The following SLC14A2 variants were observed in gnomAD, a reference collection of about 807,000 sequenced individuals.
SLC14A2 encodes urea transporter 2.
Under a neutral mutation model 104.6 loss-of-function variants are expected in SLC14A2, and 91 were observed. The ratio of observed to expected loss-of-function variants is 0.87; its 90% confidence interval spans 0.73 to 1.04. The LOEUF is 1.04. Ranked by LOEUF, SLC14A2 falls within the 50% of genes least tolerant of loss-of-function variation. The probability of loss-of-function intolerance (pLI) is 0.00; values close to 1 mark genes in which losing one functional copy is unlikely to be tolerated. For synonymous variants in SLC14A2, 476 were observed against 466.4 expected (o/e 1.02, Z -0.27); for missense variants, 1,189 against 1,156.0 (o/e 1.03, Z -0.41).
At chr18:45,471,316 T>C (rs552600647) in intron 1 of SLC14A2, among the ~76,000 whole-genome samples, 1 of 152,316 alleles carries the variant, frequency 6.6e-6, no homozygotes, top group Admixed American at 6.5e-5. Context: ...TTCTTTTGTT[T>C]GTTTCGCTTT....
chr18:45,273,450 C>G (rs116660096), intron 1 of SLC14A2, among the ~76,000 whole-genome samples: 2,581 of 152,112 alleles, frequency 0.017, 73 homozygotes, highest in African/African-American at 0.057. Flanking sequence ...AACCATAGAG[C>G]CTTTAAATGG....
Position 45,624,658 on chromosome 18 carries a change from C to T in SLC14A2, c.-7C>T, listed in dbSNP as rs758600940. 38 of 1,607,626 alleles carry T rather than the reference C, an allele frequency of 2.4e-5. No homozygotes were observed. Among genetic ancestry groups the T allele is most frequent in the East Asian group, 4.5e-5 (2 of 44,636 alleles). The stretch of plus-strand genomic sequence containing the variant: ...CATCGATAGAAGAGTGGCTGTGACC[C>T]GAAGGAATGTCTGACCCCCACAGCA... On this transcript the variant is annotated 5_prime_UTR_variant, in exon 2 of 20. It introduces an in-frame stop codon into an upstream open reading frame of the 5' UTR. Coordinates refer to ENST00000255226, the MANE Select transcript of SLC14A2 (RefSeq NM_007163.4).
In SLC14A2 at chr18:45,625,865, T is replaced by C; in HGVS notation, c.331+2T>C. On this transcript the variant is annotated splice_donor_variant, in intron 3 of 19. Transcript: ENST00000255226. LOFTEE classifies it high-confidence loss of function. ...AGGAGTACAGGATCTGGCTGAAAGG[T>C]AGGAAAATACCCTGGGGAGAGGCAG... 2 of 1,458,256 alleles carry C rather than the reference T, an allele frequency of 1.4e-6. No homozygotes were observed. The highest frequency in any genetic ancestry group is 1.8e-6 in the Non-Finnish European group (2 of 1,106,056). 90.3% of individuals were successfully genotyped at this position (1,458,256 alleles called of 1,614,324 possible). A position where few individuals can be genotyped will look rare whatever the true frequency, so the allele number is the denominator to read the frequency against.
At chr18:45,680,735 G>A (rs12969441) in intron 19 of SLC14A2, among the ~76,000 whole-genome samples, 66,178 of 151,992 alleles carry the variant, frequency 0.44, 14,607 homozygotes, top group South Asian at 0.49. Flanking sequence ...TTCCTATTTC[G>A]CTATTGAGGT....
At chr18:45,447,295 CTG>C (rs1034027593) in intron 1 of SLC14A2, 2 of 152,244 alleles carry the variant, frequency 1.3e-5, no homozygotes, top group African/African-American at 2.4e-5. Context: ...GGACACCACT[CTG>C]TGTGGAGACA....
At chr18:45,300,957 A>G (rs1373784116) in intron 1 of SLC14A2, among the ~76,000 whole-genome samples, 1 of 152,310 alleles carries the variant, frequency 6.6e-6, no homozygotes, top group East Asian at 1.9e-4. Context: ...CACAGGAGAC[A>G]CTGCCTGACT....
chr18:45,635,003 C>A, intron 5 of SLC14A2: 1 of 328,788 alleles, frequency 3.0e-6, no homozygotes, highest in Non-Finnish European at 6.0e-6. Context: ...GGCAATATAA[C>A]TTGTTGGGAG....
At position 45,673,794 on chromosome 18, in the gene SLC14A2, C is replaced by T. The variant is rs184792239; in HGVS notation, c.2489C>T (p.Thr830Met). The T allele has an allele frequency of 3.3e-5, 53 of 1,614,158 alleles. No individual in the cohort carries two copies. The highest frequency in any genetic ancestry group is 2.5e-4 in the East Asian group (11 of 44,888). ...GGMFYVITWQ[T>M]HLLAIACALF... ...ATGTTCTACGTCATCACCTGGCAGA[C>T]GCACCTCCTCGCCATCGCCTGCGGT... The change falls in exon 18 of 20, where the codon ACG (threonine) becomes ATG (methionine). Residue 830 changes from threonine (T) to methionine (M), a missense_variant. Thr to Met is a moderately conservative substitution (Grantham distance 81). Coordinates refer to ENST00000255226, the MANE Select transcript of SLC14A2 (RefSeq NM_007163.4).
chr18:45,263,357 G>C (rs769288178), intron 1 of SLC14A2, among the ~76,000 whole-genome samples: 3 of 152,192 alleles, frequency 2.0e-5, no homozygotes, highest in Non-Finnish European at 4.4e-5. Flanking sequence ...TATTGATAGA[G>C]CCATTTACTG....
At chr18:45,357,967 AAT>A (rs2144320732) in intron 1 of SLC14A2, among the ~76,000 whole-genome samples, 1 of 152,360 alleles carries the variant, frequency 6.6e-6, no homozygotes, top group South Asian at 2.1e-4. Flanking sequence ...AGGGCCATAT[AAT>A]TCCCCAATCA....
At chr18:45,314,522 A>G (rs767704286) in intron 1 of SLC14A2, among the ~76,000 whole-genome samples, 3 of 152,212 alleles carry the variant, frequency 2.0e-5, no homozygotes, top group Non-Finnish European at 2.9e-5. Context: ...TGAAAGGTTG[A>G]GGGACTTGCC....
chr18:45,625,822 A>C lies in SLC14A2; in HGVS notation c.290A>C (p.Tyr97Ser). 6.6e-7 allele frequency: 1 copy of C among 1,512,258 alleles called. No individual in the cohort carries two copies. Among genetic ancestry groups the C allele is most frequent in the South Asian group, 1.3e-5 (1 of 74,644 alleles). The allele number at this position is 1,512,258 out of a possible 1,614,324, so 93.7% of individuals were successfully genotyped here. Reference sequence around the variant, plus strand: ...ATCTGCCTCTCCAAAGCAGTGGGCTACCTCACGGGCGACATGAAGGAGTAC... The same window carrying C: ...ATCTGCCTCTCCAAAGCAGTGGGCTCCCTCACGGGCGACATGAAGGAGTAC... ...RCICLSKAVG[Y>S]LTGDMKEYRI... Residue 97 changes from tyrosine (Y) to serine (S), a missense_variant, in exon 3 of 20, where the codon TAC (tyrosine) becomes TCC (serine). Physicochemically the swap from Tyr to Ser is moderately radical, Grantham distance 144. Transcript: ENST00000255226.
intron 1 of SLC14A2, among the ~76,000 whole-genome samples, chr18:45,408,124 A>G (rs1325926067): frequency 6.6e-6 from 1 of 152,170 alleles, no homozygotes; most frequent in Non-Finnish European, 1.5e-5. Flanking sequence ...GTTGAAATCC[A>G]TTTGGTGGAA....
At chr18:45,620,418 T>C (rs2045146387) in intron 1 of SLC14A2, among the ~76,000 whole-genome samples, 1 of 152,210 alleles carries the variant, frequency 6.6e-6, no homozygotes, top group African/African-American at 2.4e-5. Flanking sequence ...ACAATTCCTA[T>C]TTTGCTTTTC....
At chr18:45,653,639 G>C (rs2045779481) in intron 10 of SLC14A2, among the ~76,000 whole-genome samples, 1 of 152,124 alleles carries the variant, frequency 6.6e-6, no homozygotes, top group Non-Finnish European at 1.5e-5. Context: ...ATAGATCTCA[G>C]AATTCTTCCT....
At chr18:45,200,342 C>T in the SLC14A2 span, among the ~76,000 whole-genome samples, 1 of 152,106 alleles carries the variant, frequency 6.6e-6, no homozygotes, top group South Asian at 2.1e-4. Context: ...CTCTTTGCCC[C>T]AGGATTTTGA....
chr18:45,475,662 T>G lies in SLC14A2; in HGVS notation c.-124-7571T>G, dbSNP rs1466961080. Reference sequence around the variant, plus strand: ...TTTAGGATATATATATATATATATATATATATATATATATATATATATATA... The same window carrying G: ...TTTAGGATATATATATATATATATAGATATATATATATATATATATATATA... On this transcript the variant is annotated intron_variant, in intron 1 of 20. Transcript: ENST00000586448. Among the ~76,000 whole-genome samples the G allele has an allele frequency of 7.8e-5, 9 of 115,104 alleles. No homozygotes were observed. In the South Asian group the frequency reaches 9.0e-4, roughly 11 times the overall value. 75.5% of individuals were successfully genotyped at this position (115,104 alleles called of 152,430 possible).
At chr18:45,643,293 G>A in intron 9 of SLC14A2, 112 bp downstream of exon 9, 1 of 902,038 alleles carries the variant, frequency 1.1e-6, no homozygotes, top group Non-Finnish European at 1.8e-6. Flanking sequence ...GGTAGCTGGT[G>A]CTCACACGAC....
At chr18:45,492,356 A>G (rs2043017463) in intron 2 of SLC14A2, among the ~76,000 whole-genome samples, 2 of 152,220 alleles carry the variant, frequency 1.3e-5, no homozygotes, top group African/African-American at 4.8e-5. Context: ...ATTGACTCAC[A>G]GTTCTGCACG....
Sources: gnomAD v4.1 joint callset for allele counts (sites outside exome capture counted in the v4.1 genomes callset) on GRCh38, gnomAD v4.1.1 for gene constraint, MANE v1.5 for transcripts, NCBI Gene and HGNC (gene_info 2026-07-23, HGNC 2026-07-21) for gene names.